Variants in PTPRG observed in about 807,000 individuals in gnomAD.
The protein encoded by PTPRG is receptor-type tyrosine-protein phosphatase gamma.
A neutral mutation model predicts 165.3 loss-of-function variants in PTPRG; 102 were observed. That is an observed-to-expected ratio of 0.62 (90% CI 0.53 to 0.73). The LOEUF is 0.73. Among genes scored for constraint, PTPRG ranks in the 30% least tolerant of loss-of-function variants. PTPRG has a pLI of 0.00. For synonymous variants in PTPRG, 675 were observed against 669.5 expected, an observed-to-expected ratio of 1.01 and a Z score of -0.13; for missense variants, 1,866 against 1,861.4, an observed-to-expected ratio of 1.00 and a Z score of -0.05.
chr3:62,101,473 T>C (rs1459045261), intron 5 of PTPRG, among the ~76,000 whole-genome samples: 3 of 152,236 alleles, frequency 2.0e-5, no homozygotes, highest in South Asian at 2.1e-4. Context: ...TTAATCAGTT[T>C]TGATATGTTT....
chr3:61,825,125 A>C (rs1241429295), intron 2 of PTPRG, among the ~76,000 whole-genome samples: 1 of 152,222 alleles, frequency 6.6e-6, no homozygotes, highest in Admixed American at 6.5e-5. Flanking sequence ...AATATTCGAG[A>C]TACATCAGTA....
chr3:62,157,415 C>T (rs1409660931), intron 7 of PTPRG, among the ~76,000 whole-genome samples, 191 bp downstream of exon 7: 3 of 152,068 alleles, frequency 2.0e-5, no homozygotes, highest in Admixed American at 6.6e-5. Context: ...GTTTCTTAGC[C>T]GCAAATGAAA....
At chr3:61,827,753 A>C (rs1305210305) in intron 2 of PTPRG, among the ~76,000 whole-genome samples, 1 of 152,352 alleles carries the variant, frequency 6.6e-6, no homozygotes, top group South Asian at 2.1e-4. Context: ...AATATCAAGT[A>C]GATAAAATAC....
Position 62,273,024 on chromosome 3 carries a change from C to T in PTPRG, c.3261C>T (p.Asn1087=), listed in dbSNP as rs779613788. Residue 1087 remains asparagine, a synonymous_variant, in exon 22 of 30, where the codon AAC becomes AAT. Transcript: ENST00000474889. This position sits in a 1 kb window ranked among gnomAD's most constrained non-coding sequence, Gnocchi z 4.1. ...LQQIKDKSTV[N]VLGFLKHIRT... ...AGATAAAAGACAAAAGCACAGTTAA[C>T]GTCCTGGGATTCCTGAAGCATATCA... The T allele has an allele frequency of 3.1e-5, 50 of 1,613,694 alleles. 1 individual carries two copies. The Middle Eastern group carries it at 1.2e-3, about 37-fold the overall frequency.
chr3:62,191,051 T>C (rs59761620), intron 8 of PTPRG, among the ~76,000 whole-genome samples: 12,210 of 152,108 alleles, frequency 0.08, 1,587 homozygotes, highest in African/African-American at 0.27. Context: ...AGAAAAACAG[T>C]TCTGTGTGTG....
At chr3:61,798,371 A>G (rs1397712264) in intron 2 of PTPRG, among the ~76,000 whole-genome samples, 1 of 152,178 alleles carries the variant, frequency 6.6e-6, no homozygotes, top group Non-Finnish European at 1.5e-5. Flanking sequence ...GTAAATGACA[A>G]CTAGTTAATT....
intron 2 of PTPRG, among the ~76,000 whole-genome samples, chr3:61,956,993 T>G (rs2040048088): frequency 6.6e-6 from 1 of 152,216 alleles, no homozygotes; most frequent in Non-Finnish European, 1.5e-5. Flanking sequence ...TGAAAATGTG[T>G]TAGTATTCCA....
intron 4 of PTPRG, among the ~76,000 whole-genome samples, chr3:62,007,511 G>A (rs988876918): frequency 1.8e-4 from 27 of 152,326 alleles, no homozygotes; most frequent in Middle Eastern, 3.4e-3. Flanking sequence ...ATCCTCAGAT[G>A]CCCTCACCTC....
Position 62,168,049 on chromosome 3 carries a change from C to A in PTPRG, c.919C>A (p.Arg307=), listed in dbSNP as rs775286532. Residue 307 remains arginine, a synonymous_variant, in exon 8 of 30, where the codon CGA becomes AGA. Coordinates refer to ENST00000474889, the MANE Select transcript of PTPRG (RefSeq NM_002841.4). Reference sequence around the variant, plus strand: ...GGTGGAGTATCTGAGAAATAACTTTCGACCACAGCAGCGTCTGCATGACAG... The same window carrying A: ...GGTGGAGTATCTGAGAAATAACTTTAGACCACAGCAGCGTCTGCATGACAG... The part of the protein sequence containing the change: ...KSVEYLRNNF[R]PQQRLHDRVV... 1 of 1,613,840 alleles carries A rather than the reference C, an allele frequency of 6.2e-7. No homozygotes were observed. Among genetic ancestry groups the A allele is most frequent in the Admixed American group, 1.7e-5 (1 of 59,992 alleles).
rs116279429 is a variant in PTPRG, at chr3:61,819,531, C to G, written c.190+70549C>G. On this transcript the variant is annotated intron_variant, in intron 2 of 29. Transcript: ENST00000474889. ...GGCAATAATTATCAATGGCCACTAG[C>G]ATCACAAATGGGGGAGACACCTAGA... Among the ~76,000 whole-genome samples, 545 of 152,206 alleles carry G rather than the reference C, an allele frequency of 3.6e-3. 1 individual carries two copies. The highest frequency in any genetic ancestry group is 0.013 in the African/African-American group (526 of 41,534).
At chr3:61,784,519 T>A (rs2034638680) in intron 2 of PTPRG, among the ~76,000 whole-genome samples, 1 of 152,142 alleles carries the variant, frequency 6.6e-6, no homozygotes, top group East Asian at 1.9e-4. Context: ...GTTGAGGATG[T>A]TGAGGGTAAG....
chr3:61,885,520 A>G (rs1202442543), intron 2 of PTPRG, among the ~76,000 whole-genome samples: 1 of 151,278 alleles, frequency 6.6e-6, no homozygotes, highest in Admixed American at 6.6e-5. Context: ...TTTAACCCCA[A>G]TATGTTTACA....
intron 2 of PTPRG, among the ~76,000 whole-genome samples, chr3:61,918,733 G>A (rs1000087880): frequency 1.3e-5 from 2 of 152,116 alleles, no homozygotes; most frequent in African/African-American, 4.8e-5. Flanking sequence ...ACTGGGGAGC[G>A]GTGATGGGAA....
intron 1 of PTPRG, among the ~76,000 whole-genome samples, chr3:61,655,524 A>T (rs192189233): frequency 6.6e-6 from 1 of 152,330 alleles, no homozygotes; most frequent in Non-Finnish European, 1.5e-5. Flanking sequence ...AGTTATACTC[A>T]GTTGTAACTT....
intron 2 of PTPRG, among the ~76,000 whole-genome samples, chr3:61,940,907 G>A (rs1205187286): frequency 4.6e-5 from 7 of 151,954 alleles, no homozygotes; most frequent in African/African-American, 1.7e-4. Context: ...CTCATGATCC[G>A]CCCGCCTCGG....
chr3:61,745,615 C>T (rs188174918), intron 1 of PTPRG, among the ~76,000 whole-genome samples: 2 of 152,314 alleles, frequency 1.3e-5, no homozygotes, highest in South Asian at 2.1e-4. Context: ...CCTTCTGTTA[C>T]CTCTTGTCGT....
At chr3:62,274,135 G>T (rs1041590102) in intron 23 of PTPRG, among the ~76,000 whole-genome samples, 1 of 152,030 alleles carries the variant, frequency 6.6e-6, no homozygotes, top group East Asian at 1.9e-4. Context: ...AAAGTAACTC[G>T]TTTAGTCCAA....
intron 1 of PTPRG, among the ~76,000 whole-genome samples, chr3:61,647,222 T>C (rs747789957): frequency 7.9e-5 from 12 of 152,352 alleles, no homozygotes; most frequent in Non-Finnish European, 1.5e-4. Flanking sequence ...TAACTGGAAT[T>C]GGCAGTGTTT....
chr3:62,280,741 C>G (rs887157688), intron 26 of PTPRG, among the ~76,000 whole-genome samples: 1 of 151,932 alleles, frequency 6.6e-6, no homozygotes, highest in Non-Finnish European at 1.5e-5. Context: ...ATCAACACCT[C>G]GTAAAGATAT....
Sources: allele counts gnomAD v4.1 joint callset (sites outside exome capture counted in the v4.1 genomes callset), GRCh38; gene constraint gnomAD v4.1.1; non-coding constraint Gnocchi (gnomAD v3.1); transcripts MANE v1.5; gene names NCBI Gene and HGNC (gene_info 2026-07-23, HGNC 2026-07-21).